The following VIP variants were observed in gnomAD, a reference collection of about 807,000 sequenced individuals.
VIP encodes the protein VIP peptides.
A neutral mutation model predicts 20.1 loss-of-function variants in VIP; 18 were observed. The ratio of observed to expected loss-of-function variants is 0.90; its 90% CI spans 0.62 to 1.33. The LOEUF (loss-of-function observed/expected upper bound fraction) is 1.33, where lower values mean the gene tolerates loss of function less well. Among genes scored for constraint, VIP ranks in the 40% most tolerant of loss-of-function variants. The pLI, the probability that VIP is intolerant of heterozygous loss-of-function variation, is 0.00. For missense variants in VIP, 209 were observed against 199.4 expected, an observed-to-expected ratio of 1.05 and a Z score of -0.29; for synonymous variants, 70 against 68.1, an observed-to-expected ratio of 1.03 and a Z score of -0.14.
intron 3 of VIP, 43 bp from the exon 4 acceptor site, chr6:152,755,226 G>T: frequency 3.1e-6 from 4 of 1,300,168 alleles, no homozygotes; most frequent in East Asian, 2.4e-5. Context: ...ATTCTAGAAA[G>T]CCATTTACAA....
intron 2 of VIP, among the ~76,000 whole-genome samples, chr6:152,753,893 T>G (rs1367909424): frequency 6.6e-6 from 1 of 152,132 alleles, no homozygotes; most frequent in African/African-American, 2.4e-5. Flanking sequence ...TATAGTTTGC[T>G]TAATGCTCTG....
At chr6:152,754,075 G>C in intron 2 of VIP, 91 bp from the exon 3 acceptor site, 1 of 1,396,710 alleles carries the variant, frequency 7.2e-7, no homozygotes, top group Non-Finnish European at 9.6e-7. Flanking sequence ...CTTCCCAAGA[G>C]TCTAAGTATC....
Position 152,757,411 on chromosome 6 carries a change from C to T in VIP, c.*43+227C>T, listed in dbSNP as rs996878983. 7.9e-5 allele frequency among the ~76,000 whole-genome samples: 12 copies of T among 151,856 alleles called. 1 individual carries two copies. In the East Asian group the frequency reaches 1.2e-3, roughly 15 times the overall value. ...AAAGAGAGCACTCACAATAAGCAAA[C>T]GTTTTGAGATCTGAATAGTGTTCCT... is the stretch of plus-strand genomic sequence containing the variant. On this transcript the variant is annotated intron_variant, in intron 6 of 6. Coordinates refer to ENST00000367244, the MANE Select transcript of VIP (RefSeq NM_003381.4).
intron 2 of VIP, among the ~76,000 whole-genome samples, chr6:152,753,538 A>C (rs76566833): frequency 1.3e-5 from 2 of 152,122 alleles, no homozygotes; most frequent in African/African-American, 4.8e-5. Context: ...ATTAGAAAAA[A>C]GAAGGCCCCA....
chr6:152,755,818 T>A lies in VIP; in HGVS notation c.336-316T>A, dbSNP rs2099730345. 2.0e-5 allele frequency among the ~76,000 whole-genome samples: 3 copies of A among 151,696 alleles called. No individual in the cohort carries two copies. The South Asian group carries it at 6.2e-4, about 32-fold the overall frequency. ...CTTCTAAAGAAGTAATTATGTTTTT[T>A]TTAAAAAAAAAAAAAATTTCTCCCA... On this transcript the variant is annotated intron_variant, in intron 4 of 6. Coordinates refer to ENST00000367244, the MANE Select transcript of VIP (RefSeq NM_003381.4).
Position 152,755,244 on chromosome 6 carries a change from G to A in VIP, c.231-25G>A, listed in dbSNP as rs1346555904. ...CTAGAAAGCCATTTACAAAATAATA[G>A]CTATTTTTTTCTTCCTTGTTTTAGA... On this transcript the variant is annotated intron_variant, in intron 3 of 6. Coordinates refer to ENST00000367244, the MANE Select transcript of VIP (RefSeq NM_003381.4). The A allele has an allele frequency of 6.9e-6, 10 of 1,459,746 alleles. No homozygotes were observed. The Admixed American group carries it at 1.1e-4, about 16-fold the overall frequency. The allele number at this position is 1,459,746 out of a possible 1,614,324, so 90.4% of individuals were successfully genotyped here. A position where few individuals can be genotyped will look rare whatever the true frequency, so the allele number is the denominator to read the frequency against.
intron 4 of VIP, 73 bp from the exon 5 acceptor site, chr6:152,756,061 G>A: frequency 7.2e-7 from 1 of 1,387,214 alleles, no homozygotes; most frequent in South Asian, 2.1e-5. Flanking sequence ...GTGGCTCCAA[G>A]AAACCTGGAA....
intron 5 of VIP, among the ~76,000 whole-genome samples, 181 bp downstream of exon 5, chr6:152,756,446 C>T (rs1270306502): frequency 6.6e-6 from 1 of 151,822 alleles, no homozygotes; most frequent in Non-Finnish European, 1.5e-5. Context: ...TGGGCCTTCT[C>T]CCAAACCAAT....
At chr6:152,757,425 A>G (rs1224776308) in intron 6 of VIP, among the ~76,000 whole-genome samples, 1 of 151,902 alleles carries the variant, frequency 6.6e-6, no homozygotes, top group Non-Finnish European at 1.5e-5. Context: ...TTGAGATCTG[A>G]ATAGTGTTCC....
chr6:152,756,363 A>G (rs2099730427), intron 5 of VIP, 98 bp downstream of exon 5: 2 of 1,351,356 alleles, frequency 1.5e-6, no homozygotes, highest in African/African-American at 1.5e-5. Context: ...ATCTAGCTAT[A>G]CTACGTGAAG....
intron 6 of VIP, among the ~76,000 whole-genome samples, chr6:152,758,404 A>G (rs372320866): frequency 1.8e-4 from 27 of 152,132 alleles, no homozygotes; most frequent in Non-Finnish European, 2.9e-4. Context: ...TTTTATAGAC[A>G]TCTCAGAGAA....
At chr6:152,758,763 GT>G (rs904737839) in intron 6 of VIP, 146 bp from the exon 7 acceptor site, 14 of 152,060 alleles carry the variant, frequency 9.2e-5, no homozygotes, top group African/African-American at 1.4e-4. Flanking sequence ...CTCTTGGTAT[GT>G]CCCAGGACAT....
chr6:152,752,086 T>C, intron 1 of VIP, 82 bp from the exon 2 acceptor site: 2 of 958,902 alleles, frequency 2.1e-6, no homozygotes, highest in Non-Finnish European at 3.2e-6. Flanking sequence ...CAAGAGCCAT[T>C]GAAAATTACT....
chr6:152,751,085 C>T (rs1341238523), intron 1 of VIP, 126 bp downstream of exon 1: 1 of 152,144 alleles, frequency 6.6e-6, no homozygotes, highest in Non-Finnish European at 1.5e-5. Flanking sequence ...CAGCAAAAAA[C>T]AAGTTTCTCA....
chr6:152,758,939 A>G lies in VIP; in HGVS notation c.*73A>G, dbSNP rs2099730814. On this transcript the variant is annotated 3_prime_UTR_variant, in exon 7 of 7. Coordinates refer to ENST00000367244, the MANE Select transcript of VIP (RefSeq NM_003381.4). Reference sequence around the variant, plus strand: ...CTTGAAGGAAAATGATACGCAACATAATTAAATTTTGAGTTCTACATAAGT... The same window carrying G: ...CTTGAAGGAAAATGATACGCAACATGATTAAATTTTGAGTTCTACATAAGT... The G allele has an allele frequency of 6.6e-6, 1 of 152,412 alleles. No homozygotes were observed. Among genetic ancestry groups the G allele is most frequent in the African/African-American group, 2.4e-5 (1 of 41,440 alleles). 9.4% of individuals were successfully genotyped at this position (152,412 alleles called of 1,614,324 possible).
chr6:152,754,677 A>C (rs933200408), intron 3 of VIP, among the ~76,000 whole-genome samples: 1 of 152,024 alleles, frequency 6.6e-6, no homozygotes, highest in African/African-American at 2.4e-5. Flanking sequence ...GTTTGTCTAG[A>C]GCATCATTTC....
At chr6:152,756,627 G>T (rs1037342270) in intron 5 of VIP, among the ~76,000 whole-genome samples, 3 of 151,892 alleles carry the variant, frequency 2.0e-5, no homozygotes, top group Non-Finnish European at 2.9e-5. Context: ...AACATGTAAA[G>T]CATAGTCAAT....
chr6:152,755,206 C>G (rs990185232), intron 3 of VIP, 63 bp from the exon 4 acceptor site: 5 of 1,079,360 alleles, frequency 4.6e-6, no homozygotes, highest in Non-Finnish European at 6.7e-6. Flanking sequence ...ATTTAATAAG[C>G]CATAATAATA....
chr6:152,756,968 A>G (rs186759657), intron 5 of VIP, 128 bp from the exon 6 acceptor site: 1 of 762,362 alleles, frequency 1.3e-6, no homozygotes, highest in East Asian at 2.8e-5. Context: ...AACCTCAAAG[A>G]TAATTGTTTA....
Sources: allele counts gnomAD v4.1 joint callset (sites outside exome capture counted in the v4.1 genomes callset), GRCh38; gene constraint gnomAD v4.1.1; transcripts MANE v1.5; gene names NCBI Gene and HGNC (gene_info 2026-07-23, HGNC 2026-07-21).